Variants in GDAP2 observed in about 807,000 individuals in gnomAD.
GDAP2 encodes ganglioside induced differentiation associated protein 2.
A neutral mutation model predicts 67.0 loss-of-function variants in GDAP2; 51 were observed. The ratio of observed to expected loss-of-function variants is 0.76; its 90% CI spans 0.61 to 0.96. The LOEUF is 0.96. Ranked by LOEUF, GDAP2 falls within the 40% of genes least tolerant of loss-of-function variation. The probability of loss-of-function intolerance (pLI) is 0.00; values close to 1 mark genes in which losing one functional copy is unlikely to be tolerated. For missense variants in GDAP2, 547 were observed against 588.3 expected (o/e 0.93, Z 0.73); for synonymous variants, 203 against 207.3 (o/e 0.98, Z 0.18).
At chr1:117,915,519 G>A (rs138930082) in intron 3 of GDAP2, among the ~76,000 whole-genome samples, 437 of 152,328 alleles carry the variant, frequency 2.9e-3, no homozygotes, top group African/African-American at 9.2e-3. Context: ...GGTAGTAGAT[G>A]TAATTTCAGA....
intron 1 of GDAP2, among the ~76,000 whole-genome samples, chr1:117,929,037 G>A (rs952499340): frequency 1.3e-5 from 2 of 152,070 alleles, no homozygotes; most frequent in African/African-American, 4.8e-5. Flanking sequence ...ACCATCCTGG[G>A]CTCAGCGTCT....
chr1:117,880,069 T>C lies in GDAP2; in HGVS notation c.1302+1754A>G, dbSNP rs78691900. 6.8e-3 allele frequency among the ~76,000 whole-genome samples: 1,035 copies of C among 152,168 alleles called. 9 individuals are homozygous for C. The highest frequency in any genetic ancestry group is 0.023 in the African/African-American group (971 of 41,520). On this transcript the variant is annotated intron_variant, in intron 12 of 13. Coordinates refer to ENST00000369443, the MANE Select transcript of GDAP2 (RefSeq NM_017686.4). ...ACATGATGGTGCACGTCTGCAGTCC[T>C]AGCTATTCTGGAGGCCAAGGTGGGA...
At chr1:117,881,715 C>A in intron 12 of GDAP2, 108 bp downstream of exon 12, 1 of 708,808 alleles carries the variant, frequency 1.4e-6, no homozygotes, top group South Asian at 1.6e-5. Flanking sequence ...AGGAAATTAG[C>A]AGTCACAATG....
chr1:117,903,969 CTATGAGTT>C (rs1202074421), intron 6 of GDAP2, among the ~76,000 whole-genome samples: 2 of 151,460 alleles, frequency 1.3e-5, no homozygotes, highest in African/African-American at 4.8e-5. Flanking sequence ...ATTCAATAAT[CTATGAGTT>C]TATGATTTTT....
chr1:117,868,781 T>TTCTGA lies in GDAP2; in HGVS notation c.*1787_*1788insTCAGA, dbSNP rs1287683859. On this transcript the variant is annotated 3_prime_UTR_variant, in exon 14 of 14. Transcript: ENST00000369443. ...GTACTGTTTGAGAGAAAGCTTAACA[T>TTCTGA]CCGACATCTGACTGGCTGCCTGGAT... The TTCTGA allele has an allele frequency of 2.0e-5, 3 of 152,100 alleles. No homozygotes were observed. Among genetic ancestry groups the TTCTGA allele is most frequent in the Non-Finnish European group, 4.4e-5 (3 of 68,022 alleles). 9.4% of individuals were successfully genotyped at this position (152,100 alleles called of 1,614,324 possible).
intron 13 of GDAP2, 171 bp downstream of exon 13, chr1:117,877,838 T>C (rs991121748): frequency 1.8e-5 from 23 of 1,263,432 alleles, no homozygotes; most frequent in Non-Finnish European, 2.3e-5. Flanking sequence ...GACAAATCCT[T>C]TTCCTAAAGT....
intron 3 of GDAP2, among the ~76,000 whole-genome samples, chr1:117,918,215 G>C (rs1484974405): frequency 1.3e-5 from 2 of 152,180 alleles, no homozygotes; most frequent in African/African-American, 4.8e-5. Flanking sequence ...AAATAACAAA[G>C]GGATGCAAGC....
intron 3 of GDAP2, among the ~76,000 whole-genome samples, chr1:117,917,243 C>G (rs940319315): frequency 2.0e-5 from 3 of 152,072 alleles, no homozygotes; most frequent in Non-Finnish European, 2.9e-5. Context: ...TCTCCTGTTA[C>G]TCTTTTCAGC....
At chr1:117,896,387 TG>T (rs1649266270) in intron 8 of GDAP2, among the ~76,000 whole-genome samples, 1 of 152,250 alleles carries the variant, frequency 6.6e-6, no homozygotes, top group South Asian at 2.1e-4. Context: ...AGAAATGGAA[TG>T]GTTTGGATGT....
chr1:117,911,219 T>A (rs1447018952), intron 5 of GDAP2, among the ~76,000 whole-genome samples: 2 of 152,342 alleles, frequency 1.3e-5, no homozygotes, highest in African/African-American at 4.8e-5. Flanking sequence ...TCTGCATATA[T>A]ACAGTGAGAT....
At position 117,912,090 on chromosome 1, in the gene GDAP2, A is replaced by G. The variant is rs370899965; in HGVS notation, c.471-8T>C. Reference sequence around the variant, plus strand: ...GAAGACATTGACTGCTCTCTGCAACAAAGGGAAAACACAAAAATTGCACTA... The same window carrying G: ...GAAGACATTGACTGCTCTCTGCAACGAAGGGAAAACACAAAAATTGCACTA... On this transcript the variant is annotated splice_polypyrimidine_tract_variant and splice_region_variant and intron_variant, in intron 4 of 13. Transcript: ENST00000369443. 123 of 1,572,936 alleles carry G rather than the reference A, an allele frequency of 7.8e-5. 1 individual carries two copies. Among genetic ancestry groups the G allele is most frequent in the Admixed American group, 6.2e-4 (37 of 59,828 alleles).
Position 117,912,002 on chromosome 1 carries a change from A to G in GDAP2, c.551T>C (p.Ile184Thr), listed in dbSNP as rs776549046. The change falls in exon 5 of 14, where the codon ATA becomes ACA. Residue 184 changes from isoleucine to threonine, a missense_variant. Ile to Thr is a moderately conservative substitution (Grantham distance 89). Transcript: ENST00000369443. ...TCTCTGATATTACTTACGAAGTGCTATGTGTGTTGCATCCTCTAAAGGATA... is the reference window on the plus strand; with the variant it reads ...TCTCTGATATTACTTACGAAGTGCTGTGTGTGTTGCATCCTCTAAAGGATA... ...RGYPLEDATH[I>T]ALRTVRRFLE... 2.6e-6 allele frequency: 4 copies of G among 1,562,862 alleles called. No homozygotes were observed. The highest frequency in any genetic ancestry group is 2.2e-5 in the East Asian group (1 of 44,640).
intron 10 of GDAP2, among the ~76,000 whole-genome samples, chr1:117,886,198 AAACTACATTTC>A (rs1410101925): frequency 1.3e-5 from 2 of 152,290 alleles, no homozygotes; most frequent in East Asian, 3.9e-4. Context: ...TATCTTGGGT[AAACTACATTTC>A]TGTTTTTTTC....
intron 1 of GDAP2, among the ~76,000 whole-genome samples, chr1:117,923,669 T>C (rs1650338183): frequency 2.0e-5 from 3 of 152,180 alleles, no homozygotes. Context: ...GGAACACCCC[T>C]AGAACCACCA....
intron 6 of GDAP2, among the ~76,000 whole-genome samples, chr1:117,901,930 T>C (rs1415606485): frequency 6.6e-6 from 1 of 152,198 alleles, no homozygotes; most frequent in Non-Finnish European, 1.5e-5. Context: ...AGATTACTCC[T>C]ATAGCCCAGA....
chr1:117,916,369 G>C (rs887531410), intron 3 of GDAP2, among the ~76,000 whole-genome samples: 3 of 152,194 alleles, frequency 2.0e-5, no homozygotes, highest in Admixed American at 2.0e-4. Flanking sequence ...AAAGGAAAAG[G>C]GGGCATGGGA....
intron 6 of GDAP2, among the ~76,000 whole-genome samples, chr1:117,906,176 G>T (rs1649650318): frequency 6.6e-6 from 1 of 152,200 alleles, no homozygotes. Context: ...TGGCACAGTA[G>T]TTTTCCAGTT....
chr1:117,917,239 G>A (rs978054131), intron 3 of GDAP2, among the ~76,000 whole-genome samples: 2 of 151,848 alleles, frequency 1.3e-5, no homozygotes, highest in Non-Finnish European at 2.9e-5. Flanking sequence ...AGTATCTCCT[G>A]TTACTCTTTT....
chr1:117,901,748 CTG>C (rs1204106648), intron 6 of GDAP2, among the ~76,000 whole-genome samples: 4 of 152,168 alleles, frequency 2.6e-5, no homozygotes, highest in Admixed American at 1.3e-4. Flanking sequence ...CCTGGGAAGA[CTG>C]TCCCTGTAAG....
Sources: allele counts gnomAD v4.1 joint callset (sites outside exome capture counted in the v4.1 genomes callset), GRCh38; gene constraint gnomAD v4.1.1; transcripts MANE v1.5; gene names NCBI Gene and HGNC (gene_info 2026-07-23, HGNC 2026-07-21).